SLC22A24: variants seen among roughly 807,000 people sequenced by gnomAD.
SLC22A24 encodes solute carrier family 22 member 24.
Under a neutral mutation model 49.8 loss-of-function variants are expected in SLC22A24, and 53 were observed. That is an observed-to-expected ratio of 1.06 (90% confidence interval 0.85 to 1.34). The LOEUF is 1.34. SLC22A24 is among the 40% of genes most tolerant of loss of function. The pLI is 0.00. For missense variants in SLC22A24, 786 were observed against 675.9 expected, an observed-to-expected ratio of 1.16 and a Z score of -1.81; for synonymous variants, 302 against 256.4, an observed-to-expected ratio of 1.18 and a Z score of -1.70.
Position 63,143,177 on chromosome 11 carries a change from T to C in SLC22A24, c.402+201A>G, listed in dbSNP as rs184092257. Among the ~76,000 whole-genome samples the C allele has an allele frequency of 3.0e-4, 46 of 152,332 alleles. 1 individual carries two copies. The East Asian group carries it at 7.9e-3, about 26-fold the overall frequency. On this transcript the variant is annotated intron_variant, in intron 1 of 9. Transcript: ENST00000612278. Reference sequence around the variant, plus strand: ...ATGGTCTAATACCACAATTTACTTTTACACCAATATAATACTAATACACTT... The same window carrying C: ...ATGGTCTAATACCACAATTTACTTTCACACCAATATAATACTAATACACTT...
At chr11:63,090,942 G>A (rs75632166) in intron 6 of SLC22A24, among the ~76,000 whole-genome samples, 5,084 of 152,116 alleles carry the variant, frequency 0.033, 253 homozygotes, top group African/African-American at 0.11. Flanking sequence ...TCATAGTAGA[G>A]TTGAAGGAGA....
chr11:63,114,145 T>A (rs773156688), intron 4 of SLC22A24, among the ~76,000 whole-genome samples: 6 of 152,202 alleles, frequency 3.9e-5, no homozygotes, highest in Non-Finnish European at 7.3e-5. Flanking sequence ...CTGGATAATA[T>A]CCTGAAGAGT....
At chr11:63,131,473 G>A (rs1223289844) in intron 2 of SLC22A24, among the ~76,000 whole-genome samples, 2 of 152,100 alleles carry the variant, frequency 1.3e-5, no homozygotes, top group African/African-American at 4.8e-5. Context: ...GGCAGGCCTG[G>A]TGGTGACAAA....
Position 63,143,770 on chromosome 11 carries a change from C to T in SLC22A24, c.10G>A (p.Asp4Asn). 2 of 1,430,554 alleles carry T rather than the reference C, an allele frequency of 1.4e-6. No individual in the cohort carries two copies. The highest frequency in any genetic ancestry group is 1.8e-6 in the Non-Finnish European group (2 of 1,088,678). The allele number at this position is 1,430,554 out of a possible 1,614,324, so 88.6% of individuals were successfully genotyped here. Residue 4 changes from aspartate to asparagine, a missense_variant, in exon 1 of 10, where the codon GAT (aspartate) becomes AAT (asparagine). By Grantham distance (23) the Asp-to-Asn change is conservative. Transcript: ENST00000612278. MGFDVLLDQVGGMG... is the reference protein window; with the variant it reads MGFNVLLDQVGGMG... ...CCACCCACTTGATCCAGGAGCACAT[C>T]AAAGCCCATTGAGACTGAACAGGTG...
intron 9 of SLC22A24, 94 bp from the exon 10 acceptor site, chr11:63,080,094 A>G (rs1450325738): frequency 2.7e-6 from 2 of 744,818 alleles, no homozygotes; most frequent in African/African-American, 1.7e-5. Context: ...CCTGAGGACA[A>G]GCTGCCCTCT....
intron 4 of SLC22A24, chr11:63,116,365 A>C (rs1044087251): frequency 1.1e-5 from 2 of 189,316 alleles, no homozygotes; most frequent in South Asian, 3.5e-4. Context: ...GCAGCTCCCA[A>C]AGCACCTAGA....
intron 4 of SLC22A24, among the ~76,000 whole-genome samples, chr11:63,109,885 C>T (rs921135909): frequency 2.6e-5 from 4 of 151,826 alleles, no homozygotes; most frequent in African/African-American, 7.2e-5. Context: ...GCTTTTGTTG[C>T]CATTGCTTTT....
intron 6 of SLC22A24, among the ~76,000 whole-genome samples, chr11:63,085,760 A>G (rs10897343): frequency 0.26 from 39,816 of 152,192 alleles, 5,503 homozygotes; most frequent in East Asian, 0.37. Flanking sequence ...ATGACGATGA[A>G]TGGTGACAAT....
intron 2 of SLC22A24, among the ~76,000 whole-genome samples, chr11:63,124,708 A>G (rs1258765361): frequency 6.6e-6 from 1 of 152,192 alleles, no homozygotes; most frequent in African/African-American, 2.4e-5. Flanking sequence ...TATCATTGTC[A>G]TATCCCTTAT....
chr11:63,101,966 AGGTT>A (rs1324634679), intron 5 of SLC22A24, among the ~76,000 whole-genome samples: 4 of 152,074 alleles, frequency 2.6e-5, no homozygotes, highest in African/African-American at 9.7e-5. Context: ...AGGGGGAATA[AGGTT>A]GGTTAGTGGG....
chr11:63,095,534 G>A (rs560882889), intron 6 of SLC22A24, among the ~76,000 whole-genome samples: 1 of 152,226 alleles, frequency 6.6e-6, no homozygotes, highest in African/African-American at 2.4e-5. Context: ...AGTACAGTTG[G>A]TGGTTTTGGA....
rs181931897 is a variant in SLC22A24 at position 63,097,774 on chromosome 11, A to G, written c.955-1668T>C. ...TCATGTCCTTCATCCATGTCCCTAC[A>G]TGGATGAAGCTGGAAACCATCATTT... On this transcript the variant is annotated intron_variant, in intron 5 of 9. Transcript: ENST00000612278. 1.1e-4 allele frequency among the ~76,000 whole-genome samples: 17 copies of G among 152,192 alleles called. No individual in the cohort carries two copies. The East Asian group carries it at 1.7e-3, about 16-fold the overall frequency.
At chr11:63,142,809 T>G (rs538421769) in intron 1 of SLC22A24, among the ~76,000 whole-genome samples, 1 of 152,076 alleles carries the variant, frequency 6.6e-6, no homozygotes, top group Non-Finnish European at 1.5e-5. Flanking sequence ...GTCAGCACTC[T>G]TGGCTCACTG....
intron 6 of SLC22A24, among the ~76,000 whole-genome samples, chr11:63,089,980 C>T (rs2087009452): frequency 7.0e-6 from 1 of 143,294 alleles, no homozygotes; most frequent in Admixed American, 7.4e-5. Flanking sequence ...ACTCGGGAGG[C>T]TGAGGCAGGA....
intron 2 of SLC22A24, among the ~76,000 whole-genome samples, chr11:63,120,328 AG>A (rs2087242755): frequency 7.0e-6 from 1 of 143,172 alleles, no homozygotes; most frequent in African/African-American, 2.6e-5. Flanking sequence ...GGGGAGGGAT[AG>A]CATTGGGAGA....
rs900070190 is a variant in SLC22A24, at chr11:63,121,258, C to G, written c.507-1923G>C. Among the ~76,000 whole-genome samples the G allele has an allele frequency of 7.2e-5, 11 of 152,216 alleles. 1 individual carries two copies. Among genetic ancestry groups the G allele is most frequent in the Admixed American group, 5.9e-4 (9 of 15,276 alleles). On this transcript the variant is annotated intron_variant, in intron 2 of 9. Transcript: ENST00000612278. ...GGATTATATGGGAACACTCTACTTT[C>G]TACTCATTATTTCTGTAAACCTAAA... is the stretch of plus-strand genomic sequence containing the variant.
intron 4 of SLC22A24, among the ~76,000 whole-genome samples, chr11:63,107,367 A>G (rs1266211387): frequency 6.6e-6 from 1 of 152,130 alleles, no homozygotes; most frequent in Non-Finnish European, 1.5e-5. Context: ...AGGTAGTGTG[A>G]TGCCTCCAGC....
At chr11:63,096,165 G>T in intron 5 of SLC22A24, 59 bp from the exon 6 acceptor site, 1 of 1,120,386 alleles carries the variant, frequency 8.9e-7, no homozygotes, top group Non-Finnish European at 1.3e-6. Context: ...GTCAGGCATA[G>T]TGGTAAGTAC....
intron 4 of SLC22A24, among the ~76,000 whole-genome samples, chr11:63,109,004 A>G (rs1384622183): frequency 5.7e-5 from 4 of 70,520 alleles, no homozygotes; most frequent in African/African-American, 6.4e-5. Context: ...CCCTCCCCCC[A>G]CCCCACAACA....
Sources: gnomAD v4.1 joint callset for allele counts (sites outside exome capture counted in the v4.1 genomes callset) on GRCh38, gnomAD v4.1.1 for gene constraint, MANE v1.5 for transcripts, NCBI Gene and HGNC (gene_info 2026-07-23, HGNC 2026-07-21) for gene names.